VGLL4: variants seen among roughly 807,000 people sequenced by gnomAD.
VGLL4 encodes the protein transcription cofactor vestigial-like protein 4.
In VGLL4, 7 loss-of-function variants were observed where a neutral mutation model predicts 21.0. That is an observed-to-expected ratio of 0.33 (90% CI 0.19 to 0.63). The LOEUF (loss-of-function observed/expected upper bound fraction) is 0.63, where lower values mean the gene tolerates loss of function less well. VGLL4 is among the 20% of genes least tolerant of loss of function. VGLL4 has a pLI of 0.78. For missense variants in VGLL4, 394 were observed against 425.7 expected, an observed-to-expected ratio of 0.93 and a Z score of 0.66; for synonymous variants, 222 against 173.2, an observed-to-expected ratio of 1.28 and a Z score of -2.21.
At chr3:11,706,317 T>C (rs755880967) in intron 1 of VGLL4, among the ~76,000 whole-genome samples, 3 of 152,218 alleles carry the variant, frequency 2.0e-5, no homozygotes, top group Non-Finnish European at 2.9e-5. Flanking sequence ...ACCTTATTAA[T>C]GAAATCAACC....
intron 2 of VGLL4, among the ~76,000 whole-genome samples, chr3:11,576,380 C>A (rs913765552): frequency 6.6e-6 from 1 of 152,208 alleles, no homozygotes; most frequent in African/African-American, 2.4e-5. Flanking sequence ...TTGTTTTTGT[C>A]ATTATGTAAT....
In VGLL4 at chr3:11,616,030, G is replaced by A. The variant is rs187857857; in HGVS notation, c.83-14008C>T. On this transcript the variant is annotated intron_variant, in intron 1 of 4. Transcript: ENST00000430365. ...GTGGCCACCCTGCCTCCCACCACGAGAGATCAGGATCCCTGACTGATTGGA... is the reference window on the plus strand; with the variant it reads ...GTGGCCACCCTGCCTCCCACCACGAAAGATCAGGATCCCTGACTGATTGGA... Among the ~76,000 whole-genome samples, 804 of 152,180 alleles carry A rather than the reference G, an allele frequency of 5.3e-3. 6 individuals are homozygous for A. The highest frequency in any genetic ancestry group is 8.4e-3 in the Non-Finnish European group (573 of 67,988).
At chr3:11,671,357 A>G (rs1046425922) in intron 2 of VGLL4, 1 of 1,168,882 alleles carries the variant, frequency 8.6e-7, no homozygotes, top group African/African-American at 1.5e-5. Flanking sequence ...CGCAGCGAGG[A>G]CTACGATTCT....
intron 3 of VGLL4, among the ~76,000 whole-genome samples, chr3:11,563,156 T>C (rs2073177876): frequency 6.7e-6 from 1 of 150,360 alleles, no homozygotes; most frequent in Non-Finnish European, 1.5e-5. Flanking sequence ...TGGGCAGAGA[T>C]AGCTTGTAAG....
chr3:11,641,667 G>A (rs1395957419), intron 1 of VGLL4, among the ~76,000 whole-genome samples: 1 of 152,090 alleles, frequency 6.6e-6, no homozygotes, highest in Non-Finnish European at 1.5e-5. Context: ...AGGAAAATAG[G>A]AGCAGATGTT....
chr3:11,568,655 T>C lies in VGLL4; in HGVS notation c.273-3636A>G, dbSNP rs1424099432. 6.4e-7 allele frequency: 1 copy of C among 1,564,066 alleles called. No individual in the cohort carries two copies. The highest frequency in any genetic ancestry group is 2.4e-5 in the East Asian group (1 of 42,290). ...CGGAGCTTCAAGACAGACATTGTTT[T>C]CCAGGCCCCGCTCGCCCGGATGAAT... is the stretch of plus-strand genomic sequence containing the variant. On this transcript the variant is annotated intron_variant, in intron 2 of 4. Transcript: ENST00000430365. This position sits in a 1 kb window ranked among gnomAD's most constrained non-coding sequence, Gnocchi z 5.9.
intron 2 of VGLL4, among the ~76,000 whole-genome samples, chr3:11,583,747 A>G (rs1230739788): frequency 6.6e-6 from 1 of 152,198 alleles, no homozygotes; most frequent in Non-Finnish European, 1.5e-5. Flanking sequence ...CAGCTCCGCC[A>G]AGGATGGGCA....
intron 2 of VGLL4, among the ~76,000 whole-genome samples, chr3:11,677,711 T>G (rs1329100697): frequency 5.3e-5 from 8 of 151,650 alleles, no homozygotes; most frequent in African/African-American, 1.9e-4. Flanking sequence ...GAAGCTGAGG[T>G]GGGTGGATCA....
intron 2 of VGLL4, among the ~76,000 whole-genome samples, chr3:11,650,656 T>C (rs1559923933): frequency 1.3e-5 from 2 of 152,140 alleles, no homozygotes; most frequent in East Asian, 1.9e-4. Flanking sequence ...TCAAGTAAGC[T>C]GGATATTTAG....
chr3:11,626,215 T>C (rs2075349805), intron 1 of VGLL4: 1 of 379,680 alleles, frequency 2.6e-6, no homozygotes, highest in Non-Finnish European at 5.2e-6. Flanking sequence ...CAAGCAACTG[T>C]CACAACTGCA....
chr3:11,676,466 G>T (rs2125374942), intron 2 of VGLL4, among the ~76,000 whole-genome samples: 1 of 150,566 alleles, frequency 6.6e-6, no homozygotes, highest in Admixed American at 6.6e-5. Context: ...ATAGGCTATT[G>T]ATCTGAGTTA....
chr3:11,643,620 C>A lies in VGLL4; in HGVS notation c.-102G>T. ...AGTAGCTCCTGGCTCTTCAACTTCA[C>A]AAAGGCAGAGGCCCAGCCTCAGACT... On this transcript the variant is annotated 5_prime_UTR_variant, in exon 1 of 5. Transcript: ENST00000430365. 1 of 1,572,834 alleles carries A rather than the reference C, an allele frequency of 6.4e-7. No individual in the cohort carries two copies.
At chr3:11,681,508 C>A (rs1005784447) in intron 2 of VGLL4, among the ~76,000 whole-genome samples, 3 of 152,208 alleles carry the variant, frequency 2.0e-5, no homozygotes, top group African/African-American at 7.2e-5. Flanking sequence ...AGGAGCTGAC[C>A]TTCCACCGGG....
At chr3:11,575,621 A>G (rs1050272392) in intron 2 of VGLL4, among the ~76,000 whole-genome samples, 6 of 152,222 alleles carry the variant, frequency 3.9e-5, no homozygotes, top group Non-Finnish European at 8.8e-5. Flanking sequence ...CCGCTTAAAG[A>G]AAGATCCCAG....
At chr3:11,579,389 C>T (rs558498067) in intron 2 of VGLL4, among the ~76,000 whole-genome samples, 1 of 152,256 alleles carries the variant, frequency 6.6e-6, no homozygotes, top group South Asian at 2.1e-4. Context: ...GTACTGAGAG[C>T]CTATTTCATT....
At chr3:11,570,387 C>T (rs2073728286) in intron 2 of VGLL4, among the ~76,000 whole-genome samples, 1 of 152,136 alleles carries the variant, frequency 6.6e-6, no homozygotes, top group African/African-American at 2.4e-5. Flanking sequence ...AAGGTCTGTC[C>T]CCGGACAGTC....
chr3:11,648,191 C>G (rs543726369), upstream of VGLL4, among the ~76,000 whole-genome samples: 6 of 152,198 alleles, frequency 3.9e-5, no homozygotes, highest in Admixed American at 1.3e-4. Context: ...ATATTTAAAA[C>G]ATAAAGCAAA....
At chr3:11,681,387 CTTT>C (rs2076368708) in intron 2 of VGLL4, among the ~76,000 whole-genome samples, 4 of 152,194 alleles carry the variant, frequency 2.6e-5, no homozygotes, top group Non-Finnish European at 5.9e-5. Flanking sequence ...CCCAGTGTGC[CTTT>C]CTTCATTCAT....
chr3:11,559,200 C>G (rs953511465), intron 4 of VGLL4, 132 bp downstream of exon 4: 31 of 1,404,144 alleles, frequency 2.2e-5, no homozygotes, highest in Non-Finnish European at 2.6e-5. Context: ...ACTGGACGTG[C>G]TCAAGAAATA....
Sources: allele counts gnomAD v4.1 joint callset (sites outside exome capture counted in the v4.1 genomes callset), GRCh38; gene constraint gnomAD v4.1.1; non-coding constraint Gnocchi (gnomAD v3.1); transcripts MANE v1.5; gene names NCBI Gene and HGNC (gene_info 2026-07-23, HGNC 2026-07-21).